Variants in PCM1 observed in about 807,000 individuals in gnomAD.
PCM1 encodes the protein pericentriolar material 1 protein.
In PCM1, 157 loss-of-function variants were observed where a neutral mutation model predicts 241.9. That is an observed-to-expected ratio of 0.65 (90% confidence interval 0.57 to 0.74). The LOEUF (loss-of-function observed/expected upper bound fraction) is 0.74, where lower values mean the gene tolerates loss of function less well. Among genes scored for constraint, PCM1 ranks in the 30% least tolerant of loss-of-function variants. PCM1 has a pLI of 0.00. For synonymous variants in PCM1, 1,085 were observed against 784.9 expected, an observed-to-expected ratio of 1.38 and a Z score of -6.39; for missense variants, 3,478 against 2,360.1, an observed-to-expected ratio of 1.47 and a Z score of -9.81.
Position 18,010,557 on chromosome 8 carries a change from A to ATTATGTATCTAAGTATGTTGCTAAATTCT in PCM1, c.5161-51_5161-23dup, listed in dbSNP as rs372563687. 1.9e-3 allele frequency: 2,577 copies of ATTATGTATCTAAGTATGTTGCTAAATTCT among 1,355,358 alleles called. 39 individuals carry two copies. In the African/African-American group the frequency reaches 0.03, roughly 16 times the overall value. 84.0% of individuals were successfully genotyped at this position (1,355,358 alleles called of 1,614,324 possible). ...GAGGCTGAGACATGAGAAATGCTAA[A>ATTATGTATCTAAGTATGTTGCTAAATTCT]TTATGTATCTAAGTATGTTGCTAAA... On this transcript the variant is annotated intron_variant, in intron 31 of 38. Transcript: ENST00000325083.
intron 36 of PCM1, chr8:18,024,974 C>T (rs2299603): frequency 0.084 from 13,213 of 156,534 alleles, 795 homozygotes; most frequent in East Asian, 0.31. Context: ...TCTAACAGCC[C>T]CATCAGAGTT....
chr8:17,980,527 A>G (rs1464841838), intron 23 of PCM1, 64 bp from the exon 24 acceptor site: 11 of 1,387,698 alleles, frequency 7.9e-6, no homozygotes, highest in Non-Finnish European at 1.1e-5. Context: ...CACAATGGAA[A>G]CCGATTTCCC....
chr8:17,930,032 T>A (rs1238323817), intron 2 of PCM1, among the ~76,000 whole-genome samples: 1 of 152,000 alleles, frequency 6.6e-6, no homozygotes, highest in East Asian at 1.9e-4. Context: ...CTCCTATTGA[T>A]CCTGCACAGC....
chr8:17,939,826 G>C lies in PCM1; in HGVS notation c.748G>C (p.Glu250Gln). 1.3e-6 allele frequency: 2 copies of C among 1,519,642 alleles called. No individual in the cohort carries two copies. Among genetic ancestry groups the C allele is most frequent in the Non-Finnish European group, 1.8e-6 (2 of 1,123,272 alleles). 94.1% of individuals were successfully genotyped at this position (1,519,642 alleles called of 1,614,324 possible). ...TCTAATAGATCACCTTAAAGAACAA[G>C]AGAAGTCATATATGAAATTTCTTAA... ...THLIDHLKEQ[E>Q]KSYMKFLKKI... is the part of the protein sequence containing the mutation. The change falls in exon 6 of 39, where the codon GAG becomes CAG. Residue 250 changes from glutamate to glutamine, a missense_variant. Glu to Gln is a conservative substitution (Grantham distance 29, BLOSUM62 2). Coordinates refer to ENST00000325083, the MANE Select transcript of PCM1 (RefSeq NM_006197.4).
rs2094115997 is a variant in PCM1 at position 18,025,346 on chromosome 8, T to C, written c.5842-15T>C. ...GGATCTAGAGTATGTATTTTTTTTT[T>C]TCATTACATTACAGGAAGCAGAATC... On this transcript the variant is annotated splice_polypyrimidine_tract_variant and intron_variant, in intron 36 of 38. Transcript: ENST00000325083. 4 of 1,422,206 alleles carry C rather than the reference T, an allele frequency of 2.8e-6. No individual in the cohort carries two copies. Among genetic ancestry groups the C allele is most frequent in the South Asian group, 1.2e-5 (1 of 81,926 alleles). 88.1% of individuals were successfully genotyped at this position (1,422,206 alleles called of 1,614,324 possible).
intron 6 of PCM1, among the ~76,000 whole-genome samples, chr8:17,941,279 A>C (rs962317036): frequency 3.3e-5 from 5 of 152,152 alleles, no homozygotes; most frequent in African/African-American, 1.2e-4. Context: ...ACTTGTATAG[A>C]TTTATTGTAA....
chr8:18,019,820 G>A (rs2093616472), intron 36 of PCM1, among the ~76,000 whole-genome samples: 1 of 152,174 alleles, frequency 6.6e-6, no homozygotes, highest in Admixed American at 6.5e-5. Context: ...ACTGGTACTG[G>A]GGGTTGCAGA....
At chr8:18,016,013 C>T (rs113136944) in intron 36 of PCM1, among the ~76,000 whole-genome samples, 50 of 152,276 alleles carry the variant, frequency 3.3e-4, no homozygotes, top group South Asian at 1.5e-3. Flanking sequence ...CTCAGCCTCC[C>T]GAGTAGCTGG....
rs2094424285 is a variant in PCM1 at position 18,029,904 on chromosome 8, G to C, written c.*2242G>C. ...TTTGTATTTTGTAACATTGACTTTG[G>C]GTAAATGCTTTTTCACTGTTAATAA... On this transcript the variant is annotated 3_prime_UTR_variant, in exon 39 of 39. Transcript: ENST00000325083. The C allele has an allele frequency of 5.3e-6, 1 of 189,788 alleles. No homozygotes were observed. The highest frequency in any genetic ancestry group is 1.1e-5 in the Non-Finnish European group (1 of 90,446). The allele number at this position is 189,788 out of a possible 1,614,324, so 11.8% of individuals were successfully genotyped here.
intron 36 of PCM1, among the ~76,000 whole-genome samples, chr8:18,022,192 C>T (rs1408001987): frequency 6.6e-6 from 1 of 152,130 alleles, no homozygotes; most frequent in Non-Finnish European, 1.5e-5. Context: ...CTATAGGTGA[C>T]TTAAAGATAT....
At chr8:17,986,478 T>TAA (rs59505499) in intron 26 of PCM1, among the ~76,000 whole-genome samples, 11 of 121,550 alleles carry the variant, frequency 9.0e-5, no homozygotes, top group South Asian at 7.7e-4. Flanking sequence ...GTCTTTGGGT[T>TAA]AAAAAAAAAA....
chr8:18,008,089 G>C (rs1053995156), intron 30 of PCM1, among the ~76,000 whole-genome samples: 1 of 152,178 alleles, frequency 6.6e-6, no homozygotes, highest in Non-Finnish European at 1.5e-5. Context: ...ATAGACATCA[G>C]AAGTTTGGGA....
At position 17,985,439 on chromosome 8, in the gene PCM1, T is replaced by C. The variant is rs2082281548; in HGVS notation, c.4109-8T>C. ...AATATTAACTTTCTGGTCTTTTATG[T>C]ATTCCAGAAACTGGGAGTGATTTTT... On this transcript the variant is annotated splice_polypyrimidine_tract_variant and splice_region_variant and intron_variant, in intron 24 of 38. Coordinates refer to ENST00000325083, the MANE Select transcript of PCM1 (RefSeq NM_006197.4). 6.5e-7 allele frequency: 1 copy of C among 1,542,276 alleles called. No homozygotes were observed. The highest frequency in any genetic ancestry group is 2.4e-5 in the East Asian group (1 of 41,422).
chr8:17,929,583 G>C (rs1402315142), intron 2 of PCM1, among the ~76,000 whole-genome samples: 1 of 152,146 alleles, frequency 6.6e-6, no homozygotes, highest in East Asian at 1.9e-4. Flanking sequence ...TTTCTGATCA[G>C]TTTAACTGTG....
At chr8:17,958,588 A>ATAT (rs756014833) in intron 13 of PCM1, among the ~76,000 whole-genome samples, 1 of 151,972 alleles carries the variant, frequency 6.6e-6, no homozygotes, top group Non-Finnish European at 1.5e-5. Flanking sequence ...TATATATATA[A>ATAT]AAATCATATA....
At chr8:17,947,583 C>G (rs138781482) in intron 7 of PCM1, among the ~76,000 whole-genome samples, 83 of 152,306 alleles carry the variant, frequency 5.4e-4, no homozygotes, top group Non-Finnish European at 8.5e-4. Context: ...CCAGATCTCT[C>G]TCCTTTTCAT....
Position 17,983,296 on chromosome 8 carries a change from A to G in PCM1, c.4109-2151A>G, listed in dbSNP as rs1304481616. The G allele has an allele frequency of 7.6e-6, 10 of 1,321,190 alleles. No individual in the cohort carries two copies. The East Asian group carries it at 1.2e-4, about 16-fold the overall frequency. 81.8% of individuals were successfully genotyped at this position (1,321,190 alleles called of 1,614,324 possible). On this transcript the variant is annotated intron_variant, in intron 24 of 38. Transcript: ENST00000325083. Reference sequence around the variant, plus strand: ...GCATGCAATGAAGCGCCAGGTAACAATCTGCGTAGTTTTGGTGTCCACTTT... The same window carrying G: ...GCATGCAATGAAGCGCCAGGTAACAGTCTGCGTAGTTTTGGTGTCCACTTT...
At chr8:17,996,530 C>G (rs2086815908) in intron 29 of PCM1, among the ~76,000 whole-genome samples, 1 of 151,932 alleles carries the variant, frequency 6.6e-6, no homozygotes, top group African/African-American at 2.4e-5. Context: ...TTTTATGTAT[C>G]TTTTAAAATA....
In PCM1 at chr8:18,013,978, C is replaced by T. The variant is rs1337765212; in HGVS notation, c.5526C>T (p.Asp1842=). ...TTCCCTTCTAGGTCCTACAACGTGA[C>T]TTTAAAAAGACAGCAGAAAGCAAAA... ...NEHDEQVLQR[D]FKKTAESKNV... The change falls in exon 35 of 39, where the codon GAC becomes GAT. Residue 1842 remains aspartate (D), a synonymous_variant. Coordinates refer to ENST00000325083, the MANE Select transcript of PCM1 (RefSeq NM_006197.4). 1 of 1,601,400 alleles carries T rather than the reference C, an allele frequency of 6.2e-7. No individual in the cohort carries two copies. Among genetic ancestry groups the T allele is most frequent in the Non-Finnish European group, 8.5e-7 (1 of 1,173,816 alleles).
Sources: allele counts gnomAD v4.1 joint callset (sites outside exome capture counted in the v4.1 genomes callset), GRCh38; gene constraint gnomAD v4.1.1; transcripts MANE v1.5; gene names NCBI Gene and HGNC (gene_info 2026-07-23, HGNC 2026-07-21).